ZNF215: variants seen among roughly 807,000 people sequenced by gnomAD.
ZNF215 encodes BWSCR2-associated zinc finger protein 2.
A neutral mutation model predicts 27.2 loss-of-function variants in ZNF215; 24 were observed. The ratio of observed to expected loss-of-function variants is 0.88; its 90% CI spans 0.64 to 1.24. The LOEUF (loss-of-function observed/expected upper bound fraction) is 1.24. ZNF215 is among the 50% of genes most tolerant of loss of function. The pLI is 0.00. For missense variants in ZNF215, 675 were observed against 605.7 expected, an observed-to-expected ratio of 1.11 and a Z score of -1.20; for synonymous variants, 210 against 204.0, an observed-to-expected ratio of 1.03 and a Z score of -0.25.
chr11:6,953,740 A>G (rs1564961999), intron 6 of ZNF215, among the ~76,000 whole-genome samples: 1 of 152,164 alleles, frequency 6.6e-6, no homozygotes, highest in Non-Finnish European at 1.5e-5. Flanking sequence ...CAACTCGTCA[A>G]AGTCATTCTC....
At chr11:6,988,820 T>G (rs76473921), downstream of ZNF215, 4 of 152,124 alleles carry the variant, frequency 2.6e-5, no homozygotes, top group Non-Finnish European at 4.4e-5. Context: ...ATAAATATAA[T>G]ACCTTGATAA....
At chr11:6,949,493 T>A (rs530021834) in intron 6 of ZNF215, among the ~76,000 whole-genome samples, 11 of 152,362 alleles carry the variant, frequency 7.2e-5, no homozygotes, top group Admixed American at 1.3e-4. Flanking sequence ...ATTTCTCTGA[T>A]GGCCAGTGAT....
At chr11:6,960,775 A>G (rs1850500158), downstream of ZNF215, among the ~76,000 whole-genome samples, 1 of 152,132 alleles carries the variant, frequency 6.6e-6, no homozygotes. Flanking sequence ...AGCTTTTACC[A>G]TCATCTCCAG....
At chr11:6,981,948 G>A (rs1302323159) in intron 5 of ZNF215, among the ~76,000 whole-genome samples, 1 of 152,070 alleles carries the variant, frequency 6.6e-6, no homozygotes, top group Admixed American at 6.6e-5. Context: ...TGGGGGCTCT[G>A]TTGTGTTCCA....
chr11:6,939,568 C>G (rs1381049273), intron 3 of ZNF215, among the ~76,000 whole-genome samples: 2 of 152,016 alleles, frequency 1.3e-5, no homozygotes, highest in African/African-American at 4.8e-5. Flanking sequence ...TTTCCAAGAT[C>G]GTAGTGCTTA....
chr11:6,992,572 G>T (rs1048960130), downstream of ZNF215, among the ~76,000 whole-genome samples: 1 of 152,198 alleles, frequency 6.6e-6, no homozygotes, highest in Non-Finnish European at 1.5e-5. Flanking sequence ...ATTAGATTTC[G>T]AGGACAGGAC....
intron 5 of ZNF215, among the ~76,000 whole-genome samples, chr11:6,983,135 C>A (rs940843157): frequency 2.0e-5 from 3 of 152,118 alleles, no homozygotes; most frequent in African/African-American, 7.2e-5. Context: ...AACACCTCCA[C>A]GCAAATAAAC....
chr11:6,976,709 C>T (rs1311269333), intron 5 of ZNF215, among the ~76,000 whole-genome samples: 1 of 151,978 alleles, frequency 6.6e-6, no homozygotes, highest in Non-Finnish European at 1.5e-5. Context: ...CCACTAGTCA[C>T]CACTCTTCCC....
Position 6,967,809 on chromosome 11 carries a change from T to C in ZNF215, c.805+12027T>C, listed in dbSNP as rs910153698. ...TAGTTTAATTAGATCCCAATTTGTCTATTTTGGCTTTTGTTGCCATTGCTT... is the reference window on the plus strand; with the variant it reads ...TAGTTTAATTAGATCCCAATTTGTCCATTTTGGCTTTTGTTGCCATTGCTT... On this transcript the variant is annotated intron_variant, in intron 5 of 5. Coordinates refer to the ZNF215 transcript ENST00000529903. 3.0e-4 allele frequency among the ~76,000 whole-genome samples: 45 copies of C among 152,126 alleles called. 2 individuals carry two copies. The highest frequency in any genetic ancestry group is 1.1e-3 in the African/African-American group (45 of 41,450).
chr11:6,937,710 A>C (rs1564948026), intron 3 of ZNF215, among the ~76,000 whole-genome samples: 1 of 151,998 alleles, frequency 6.6e-6, no homozygotes, highest in Non-Finnish European at 1.5e-5. Context: ...ATCTATGTCC[A>C]GTTAATTTTT....
At chr11:6,954,855 C>T (rs1850261892) in intron 6 of ZNF215, among the ~76,000 whole-genome samples, 1 of 152,154 alleles carries the variant, frequency 6.6e-6, no homozygotes, top group East Asian at 1.9e-4. Flanking sequence ...TAGACCGGAG[C>T]TGTTCCTATT....
At chr11:6,933,413 C>T (rs1019726485) in intron 3 of ZNF215, among the ~76,000 whole-genome samples, 4 of 152,068 alleles carry the variant, frequency 2.6e-5, no homozygotes, top group African/African-American at 9.7e-5. Flanking sequence ...CTTCAGTGTT[C>T]AGAAAGAGAA....
In ZNF215 at chr11:6,932,485, G is replaced by A. The variant is rs762741241; in HGVS notation, c.213G>A (p.Glu71=). 2 of 1,614,182 alleles carry A rather than the reference G, an allele frequency of 1.2e-6. No individual in the cohort carries two copies. The highest frequency in any genetic ancestry group is 2.2e-5 in the South Asian group (2 of 91,084). The part of the protein sequence containing the change: ...GPHEALSQLW[E]LCLQWLRPEI... ...ATGAAGCCCTGAGCCAACTCTGGGA[G>A]CTCTGTCTTCAATGGCTGAGACCAG... is the stretch of plus-strand genomic sequence containing the variant. The change falls in exon 3 of 7, where the codon GAG becomes GAA. Residue 71 remains glutamate, a synonymous_variant. Coordinates refer to ENST00000278319, the MANE Select transcript of ZNF215 (RefSeq NM_013250.4).
intron 3 of ZNF215, 102 bp downstream of exon 3, chr11:6,932,774 A>G: frequency 9.0e-7 from 1 of 1,108,632 alleles, no homozygotes; most frequent in Non-Finnish European, 1.3e-6. Flanking sequence ...CAGATCTTGA[A>G]GGACTTTATA....
At chr11:6,961,315 C>A (rs771318995), downstream of ZNF215, among the ~76,000 whole-genome samples, 3 of 151,986 alleles carry the variant, frequency 2.0e-5, no homozygotes, top group Admixed American at 6.6e-5. Context: ...GAGCCAATGA[C>A]AAGTGGTAGG....
At chr11:6,947,260 G>A (rs1849849579) in intron 6 of ZNF215, among the ~76,000 whole-genome samples, 1 of 152,148 alleles carries the variant, frequency 6.6e-6, no homozygotes, top group Non-Finnish European at 1.5e-5. Flanking sequence ...AATAGTTAAT[G>A]GATTGTGGTG....
At chr11:6,937,495 T>C (rs71472617) in intron 3 of ZNF215, among the ~76,000 whole-genome samples, 37,903 of 142,896 alleles carry the variant, frequency 0.27, 5,248 homozygotes, top group East Asian at 0.37. Flanking sequence ...GCTTTTTTTT[T>C]TTTTTTTTTT....
chr11:6,957,514 T>A lies in ZNF215; in HGVS notation c.*983T>A, dbSNP rs1850409768. 2 of 159,230 alleles carry A rather than the reference T, an allele frequency of 1.3e-5. No individual in the cohort carries two copies. Among genetic ancestry groups the A allele is most frequent in the African/African-American group, 2.4e-5 (1 of 41,582 alleles). The allele number at this position is 159,230 out of a possible 1,614,324, so 9.9% of individuals were successfully genotyped here. ...GGGTAAATAATTATCTTATCTGTTTTTATTAATCCGTCTTAAATGTGTATA... is the reference window on the plus strand; with the variant it reads ...GGGTAAATAATTATCTTATCTGTTTATATTAATCCGTCTTAAATGTGTATA... On this transcript the variant is annotated 3_prime_UTR_variant, in exon 7 of 7. Transcript: ENST00000278319.
At chr11:6,989,331 CTTCCTATAAA>C (rs1181566135), downstream of ZNF215, among the ~76,000 whole-genome samples, 2 of 152,016 alleles carry the variant, frequency 1.3e-5, no homozygotes, top group Non-Finnish European at 2.9e-5. Flanking sequence ...ACGTTTATGC[CTTCCTATAAA>C]AGAAGTAGAC....
Sources: gnomAD v4.1 joint callset for allele counts (sites outside exome capture counted in the v4.1 genomes callset) on GRCh38, gnomAD v4.1.1 for gene constraint, MANE v1.5 for transcripts, NCBI Gene and HGNC (gene_info 2026-07-23, HGNC 2026-07-21) for gene names.